The following ESRRG variants were observed in gnomAD, a reference collection of about 807,000 sequenced individuals.
ESRRG encodes estrogen-related receptor gamma.
A neutral mutation model predicts 44.0 loss-of-function variants in ESRRG; 13 were observed. The observed-to-expected ratio is 0.30, with a 90% confidence interval of 0.19 to 0.47. The LOEUF (loss-of-function observed/expected upper bound fraction) is 0.47, where lower values mean the gene tolerates loss of function less well. ESRRG is among the 20% of genes least tolerant of loss of function. The probability of loss-of-function intolerance (pLI) is 1.00; values close to 1 mark genes in which losing one functional copy is unlikely to be tolerated. For synonymous variants in ESRRG, 215 were observed against 214.6 expected, an observed-to-expected ratio of 1.00 and a Z score of -0.02; for missense variants, 395 against 580.6, an observed-to-expected ratio of 0.68 and a Z score of 3.29.
At chr1:216,585,201 G>A (rs1260782141) in intron 3 of ESRRG, among the ~76,000 whole-genome samples, 1 of 152,060 alleles carries the variant, frequency 6.6e-6, no homozygotes, top group African/African-American at 2.4e-5. Flanking sequence ...TACGGATTTT[G>A]TTTTTCAAGG....
At chr1:216,511,566 G>GACAAATAC (rs1553275767) in intron 6 of ESRRG, among the ~76,000 whole-genome samples, 2 of 19,946 alleles carry the variant, frequency 1.0e-4, no homozygotes, top group Non-Finnish European at 3.3e-4. Context: ...CACACACACA[G>GACAAATAC]ACAAATACAC....
chr1:216,808,418 T>G (rs1469035708), intron 2 of ESRRG, among the ~76,000 whole-genome samples: 4 of 152,002 alleles, frequency 2.6e-5, no homozygotes, highest in Non-Finnish European at 5.9e-5. Flanking sequence ...AATCTAAAAT[T>G]TATTTATATA....
rs1469783001 is a variant in ESRRG, at chr1:216,789,071, A to G, written c.-13-111580T>C. On this transcript the variant is annotated intron_variant, in intron 2 of 7. Coordinates refer to the ESRRG transcript ENST00000359162. ...GGCTGTGAACATTGTGGATATGGCA[A>G]TAAAGGATTTAGTATATTCCATAAA... 3.3e-5 allele frequency among the ~76,000 whole-genome samples: 5 copies of G among 152,296 alleles called. No individual in the cohort carries two copies. The East Asian group carries it at 9.7e-4, about 29-fold the overall frequency.
intron 2 of ESRRG, among the ~76,000 whole-genome samples, chr1:216,653,964 A>AG: frequency 6.6e-6 from 1 of 151,110 alleles, no homozygotes; most frequent in East Asian, 2.0e-4. Context: ...AAAAAAAAAA[A>AG]GTAGAAAAAT....
At chr1:216,606,189 G>T (rs114839512) in intron 3 of ESRRG, among the ~76,000 whole-genome samples, 2,150 of 152,162 alleles carry the variant, frequency 0.014, 53 homozygotes, top group African/African-American at 0.049. Flanking sequence ...TTATCTTGGT[G>T]CCTGCAGAGC....
intron 2 of ESRRG, among the ~76,000 whole-genome samples, chr1:216,767,732 A>T (rs752158119): frequency 4.6e-5 from 7 of 152,146 alleles, no homozygotes; most frequent in Admixed American, 1.3e-4. Flanking sequence ...TTTTCTCATT[A>T]CAGTAGCTTG....
chr1:217,111,625 A>C (rs17045268), intron 1 of ESRRG, among the ~76,000 whole-genome samples: 25,606 of 152,066 alleles, frequency 0.17, 2,522 homozygotes, highest in African/African-American at 0.26. Context: ...ATTTCTCTGG[A>C]TTAAAATTTC....
chr1:216,601,588 G>T (rs1428191264), intron 3 of ESRRG, among the ~76,000 whole-genome samples: 1 of 152,132 alleles, frequency 6.6e-6, no homozygotes, highest in African/African-American at 2.4e-5. Flanking sequence ...TGGTGGCTTT[G>T]GGATTTACCT....
chr1:217,060,192 G>A (rs528739139), intron 1 of ESRRG, among the ~76,000 whole-genome samples: 347 of 151,978 alleles, frequency 2.3e-3, no homozygotes, highest in Non-Finnish European at 4.4e-3. Flanking sequence ...TTGTATTCAT[G>A]TGGATTTCTC....
intron 3 of ESRRG, among the ~76,000 whole-genome samples, chr1:216,643,134 G>T (rs2066792264): frequency 6.6e-6 from 1 of 152,132 alleles, no homozygotes; most frequent in Non-Finnish European, 1.5e-5. Flanking sequence ...CAGCAAAACA[G>T]CTCTGGGATA....
In ESRRG at chr1:217,026,912, C is replaced by CAGAGAGAGAG. The variant is rs71163786; in HGVS notation, c.-106+62585_-106+62594dup. On this transcript the variant is annotated intron_variant, in intron 1 of 7. Transcript: ENST00000359162. ...ATACACACACACACACACACACACA[C>CAGAGAGAGAG]AGAGAGAGAGAGAGAGAGAGAGAGA... 3.9e-3 allele frequency among the ~76,000 whole-genome samples: 364 copies of CAGAGAGAGAG among 93,430 alleles called. 6 individuals are homozygous for CAGAGAGAGAG. The highest frequency in any genetic ancestry group is 0.013 in the African/African-American group (313 of 24,856). 61.3% of individuals were successfully genotyped at this position (93,430 alleles called of 152,430 possible). A position where few individuals can be genotyped will look rare whatever the true frequency, so the allele number is the denominator to read the frequency against.
At chr1:217,104,962 G>A (rs2092568218) in intron 1 of ESRRG, among the ~76,000 whole-genome samples, 1 of 152,066 alleles carries the variant, frequency 6.6e-6, no homozygotes, top group Admixed American at 6.5e-5. Context: ...GCATTTGAAT[G>A]ATCATGGCTA....
intron 2 of ESRRG, among the ~76,000 whole-genome samples, chr1:216,859,755 G>A (rs1278335182): frequency 1.3e-5 from 2 of 152,162 alleles, no homozygotes; most frequent in African/African-American, 4.8e-5. Flanking sequence ...GAATCTAAAG[G>A]ATGAAACTAC....
chr1:216,909,046 C>T (rs1017940103), intron 2 of ESRRG, among the ~76,000 whole-genome samples: 9 of 152,070 alleles, frequency 5.9e-5, no homozygotes, highest in African/African-American at 1.4e-4. Flanking sequence ...TATATTTCCT[C>T]GACCTCTACT....
At chr1:216,914,906 G>T (rs938746002) in intron 2 of ESRRG, among the ~76,000 whole-genome samples, 1 of 152,128 alleles carries the variant, frequency 6.6e-6, no homozygotes, top group East Asian at 1.9e-4. Flanking sequence ...GAAGTCTCAG[G>T]CTCTGAAAAA....
At chr1:216,897,867 C>T (rs911734026) in intron 2 of ESRRG, among the ~76,000 whole-genome samples, 9 of 152,118 alleles carry the variant, frequency 5.9e-5, no homozygotes. Flanking sequence ...ATTGGTGTAC[C>T]CAGATGGGCA....
chr1:216,779,457 T>A (rs1323382640), intron 2 of ESRRG, among the ~76,000 whole-genome samples: 1 of 77,362 alleles, frequency 1.3e-5, no homozygotes, highest in Non-Finnish European at 2.2e-5. Context: ...TTTATAAATA[T>A]AAATATAAAT....
At chr1:216,718,964 T>C (rs1027980511) in intron 1 of ESRRG, among the ~76,000 whole-genome samples, 2 of 152,040 alleles carry the variant, frequency 1.3e-5, no homozygotes, top group Non-Finnish European at 2.9e-5. Context: ...TTGCTATTAA[T>C]TGCCATTTGT....
At chr1:216,791,963 C>A (rs771463690) in intron 2 of ESRRG, among the ~76,000 whole-genome samples, 3 of 151,870 alleles carry the variant, frequency 2.0e-5, no homozygotes, top group African/African-American at 4.8e-5. Flanking sequence ...AGTCCCATTG[C>A]CATCAAGTAG....
Sources: gnomAD v4.1 joint callset for allele counts (sites outside exome capture counted in the v4.1 genomes callset) on GRCh38, gnomAD v4.1.1 for gene constraint, MANE v1.5 for transcripts, NCBI Gene and HGNC (gene_info 2026-07-23, HGNC 2026-07-21) for gene names.